The following CSMD1 variants were observed in gnomAD, a reference collection of about 807,000 sequenced individuals.
CSMD1 encodes CUB and sushi domain-containing protein 1.
In CSMD1, 213 loss-of-function variants were observed where a neutral mutation model predicts 417.5. That is an observed-to-expected ratio of 0.51 (90% CI 0.46 to 0.57). The LOEUF is 0.57. Ranked by LOEUF, CSMD1 falls within the 20% of genes least tolerant of loss-of-function variation. CSMD1 has a pLI of 0.00. For missense variants in CSMD1, 6,923 were observed against 4,529.7 expected, an observed-to-expected ratio of 1.53 and a Z score of -15.17; for synonymous variants, 2,862 against 1,736.8, an observed-to-expected ratio of 1.65 and a Z score of -16.11.
chr8:4,706,024 G>A (rs1318588408), intron 1 of CSMD1, among the ~76,000 whole-genome samples: 2 of 145,980 alleles, frequency 1.4e-5, no homozygotes, highest in Admixed American at 1.4e-4. Flanking sequence ...AAAATAAACA[G>A]TAATGTATTT....
At chr8:4,216,082 C>G (rs1295786087) in intron 3 of CSMD1, among the ~76,000 whole-genome samples, 1 of 152,186 alleles carries the variant, frequency 6.6e-6, no homozygotes, top group Admixed American at 6.5e-5. Context: ...GGTCACTATG[C>G]TATTTCTTGG....
chr8:4,091,670 A>G (rs1463203988), intron 3 of CSMD1, among the ~76,000 whole-genome samples: 1 of 152,160 alleles, frequency 6.6e-6, no homozygotes. Context: ...ATCAATGCTC[A>G]CTCCCTAAAA....
intron 26 of CSMD1, among the ~76,000 whole-genome samples, chr8:3,233,878 T>C (rs931464866): frequency 6.6e-6 from 1 of 152,106 alleles, no homozygotes; most frequent in African/African-American, 2.4e-5. Flanking sequence ...AAAAATAAAT[T>C]AACAGCTTGA....
At chr8:4,471,862 G>T (rs1375310740) in intron 2 of CSMD1, among the ~76,000 whole-genome samples, 2 of 152,074 alleles carry the variant, frequency 1.3e-5, no homozygotes, top group Non-Finnish European at 2.9e-5. Flanking sequence ...CAATGATTAG[G>T]CTACAAAAAA....
At chr8:4,861,329 G>A (rs931838073) in intron 1 of CSMD1, among the ~76,000 whole-genome samples, 1 of 152,112 alleles carries the variant, frequency 6.6e-6, no homozygotes, top group African/African-American at 2.4e-5. Context: ...AAACAAAAAT[G>A]TGAAGCTTGA....
intron 39 of CSMD1, among the ~76,000 whole-genome samples, chr8:3,152,853 G>C (rs571113390): frequency 6.6e-6 from 1 of 152,298 alleles, no homozygotes; most frequent in Admixed American, 6.5e-5. Context: ...AGACACACCA[G>C]CAAATCTGAG....
In CSMD1 at chr8:3,921,415, T is replaced by G. The variant is rs554855353; in HGVS notation, c.818+76488A>C. ...ATTTAATTTATTATCTAACTTGTATTATTTTCTTTCTTCTATTAACTTTGA... is the reference window on the plus strand; with the variant it reads ...ATTTAATTTATTATCTAACTTGTATGATTTTCTTTCTTCTATTAACTTTGA... On this transcript the variant is annotated intron_variant, in intron 5 of 69. Transcript: ENST00000635120. 1.9e-3 allele frequency among the ~76,000 whole-genome samples: 284 copies of G among 152,248 alleles called. 2 individuals carry two copies. The highest frequency in any genetic ancestry group is 1.7e-3 in the Non-Finnish European group (119 of 68,004).
chr8:4,612,499 G>A (rs557911288), intron 2 of CSMD1, among the ~76,000 whole-genome samples: 2 of 152,274 alleles, frequency 1.3e-5, no homozygotes, highest in South Asian at 4.2e-4. Context: ...GACCACAACA[G>A]GCAAATTGTG....
intron 3 of CSMD1, among the ~76,000 whole-genome samples, chr8:4,379,903 C>G (rs1018177683): frequency 2.0e-5 from 3 of 152,208 alleles, no homozygotes; most frequent in Non-Finnish European, 4.4e-5. Context: ...GTTCCACACA[C>G]TGGACGTGAA....
At chr8:4,506,428 C>G (rs889304782) in intron 2 of CSMD1, among the ~76,000 whole-genome samples, 2 of 152,082 alleles carry the variant, frequency 1.3e-5, no homozygotes, top group African/African-American at 2.4e-5. Flanking sequence ...CACTTCAGGC[C>G]TAGCCCAGCA....
chr8:4,256,345 T>A (rs1230090492), intron 3 of CSMD1, among the ~76,000 whole-genome samples: 6 of 152,188 alleles, frequency 3.9e-5, no homozygotes, highest in African/African-American at 1.4e-4. Context: ...TTCTAGCTCC[T>A]ACTTTTGGCC....
chr8:3,865,311 C>T (rs990900651), intron 5 of CSMD1, among the ~76,000 whole-genome samples: 8 of 152,146 alleles, frequency 5.3e-5, no homozygotes, highest in Admixed American at 2.0e-4. Context: ...GTGACATACG[C>T]ACTCAATTTT....
In CSMD1 at chr8:4,308,925, T is replaced by C. The variant is rs74408218; in HGVS notation, c.415+111028A>G. On this transcript the variant is annotated intron_variant, in intron 3 of 69. Coordinates refer to ENST00000635120, the MANE Select transcript of CSMD1 (RefSeq NM_033225.6). Reference sequence around the variant, plus strand: ...TCAGAAAATATCAAAGGTCCATTTATTTCTCCTTTTTTAAAGACTCTCAAA... The same window carrying C: ...TCAGAAAATATCAAAGGTCCATTTACTTCTCCTTTTTTAAAGACTCTCAAA... Among the ~76,000 whole-genome samples the C allele has an allele frequency of 4.1e-4, 63 of 152,348 alleles. No individual in the cohort carries two copies. The East Asian group carries it at 0.012, about 29-fold the overall frequency.
chr8:3,987,698 C>G (rs377672618), intron 5 of CSMD1, among the ~76,000 whole-genome samples: 6 of 152,144 alleles, frequency 3.9e-5, no homozygotes, highest in Admixed American at 6.5e-5. Flanking sequence ...AAACAGGAAA[C>G]TGCAAGGTGG....
intron 2 of CSMD1, among the ~76,000 whole-genome samples, chr8:4,463,730 C>G (rs1217664): frequency 0.83 from 126,036 of 152,098 alleles, 52,367 homozygotes; most frequent in Middle Eastern, 0.91. Flanking sequence ...ATTAGTGTTT[C>G]CTTTGGGCCG....
At chr8:4,361,579 G>A (rs542183451) in intron 3 of CSMD1, among the ~76,000 whole-genome samples, 1 of 152,290 alleles carries the variant, frequency 6.6e-6, no homozygotes, top group East Asian at 1.9e-4. Context: ...TTGTTCCTCT[G>A]TGAAACGCAG....
chr8:4,169,321 C>T (rs113881033), intron 3 of CSMD1, among the ~76,000 whole-genome samples: 30 of 152,254 alleles, frequency 2.0e-4, no homozygotes, highest in African/African-American at 7.0e-4. Context: ...AAAGCTGGTC[C>T]CTCCCATGTG....
intron 1 of CSMD1, among the ~76,000 whole-genome samples, chr8:4,911,464 G>A (rs28620887): frequency 0.039 from 5,945 of 152,196 alleles, 143 homozygotes; most frequent in South Asian, 0.052. Context: ...CTTTTCCATA[G>A]GATGTGATTA....
intron 1 of CSMD1, among the ~76,000 whole-genome samples, chr8:4,908,454 C>A (rs1217553205): frequency 1.3e-5 from 2 of 152,094 alleles, no homozygotes; most frequent in Non-Finnish European, 1.5e-5. Context: ...CTCTGCTCTC[C>A]TTTTCTTCTT....
Sources: allele counts gnomAD v4.1 joint callset (sites outside exome capture counted in the v4.1 genomes callset), GRCh38; gene constraint gnomAD v4.1.1; transcripts MANE v1.5; gene names NCBI Gene and HGNC (gene_info 2026-07-23, HGNC 2026-07-21).